The following MERTK variants were observed in gnomAD, a reference collection of about 807,000 sequenced individuals.
The protein encoded by MERTK is tyrosine-protein kinase Mer.
Under a neutral mutation model 99.3 loss-of-function variants are expected in MERTK, and 69 were observed. The observed-to-expected ratio is 0.70, with a 90% confidence interval of 0.57 to 0.85. The LOEUF is 0.85. Among genes scored for constraint, MERTK ranks in the 40% least tolerant of loss-of-function variants. The pLI, the probability that MERTK is intolerant of heterozygous loss-of-function variation, is 0.00. For missense variants in MERTK, 1,125 were observed against 1,249.4 expected (o/e 0.90, Z 1.50); for synonymous variants, 426 against 467.6 (o/e 0.91, Z 1.15).
intron 4 of MERTK, among the ~76,000 whole-genome samples, chr2:111,961,832 C>T (rs1685257334): frequency 6.6e-6 from 1 of 152,210 alleles, no homozygotes; most frequent in Non-Finnish European, 1.5e-5. Context: ...GTCTCTCAGT[C>T]ACAGCTCTCT....
At position 111,903,911 on chromosome 2, in the gene MERTK, A is replaced by G. The variant is rs540624205; in HGVS notation, c.61+5115A>G. 3.3e-5 allele frequency among the ~76,000 whole-genome samples: 5 copies of G among 152,288 alleles called. No homozygotes were observed. In the South Asian group the frequency reaches 8.3e-4, roughly 25 times the overall value. On this transcript the variant is annotated intron_variant, in intron 1 of 18. Coordinates refer to ENST00000295408, the MANE Select transcript of MERTK (RefSeq NM_006343.3). ...TTCTTCTGAACTCAAGTATGGGGGAAATGTTTTTCCTAGACAAAAGGTGTT... is the reference window on the plus strand; with the variant it reads ...TTCTTCTGAACTCAAGTATGGGGGAGATGTTTTTCCTAGACAAAAGGTGTT...
intron 8 of MERTK, among the ~76,000 whole-genome samples, chr2:111,989,448 C>CCAGGTTCACGCCATTCTCCTGCCT (rs1676564100): frequency 1.3e-5 from 2 of 151,234 alleles, no homozygotes; most frequent in African/African-American, 4.9e-5. Flanking sequence ...GTTCCGCCTT[C>CCAGGTTCACGCCATTCTCCTGCCT]CAGGTTCACG....
intron 1 of MERTK, among the ~76,000 whole-genome samples, chr2:111,909,828 C>T (rs906039655): frequency 3.9e-5 from 6 of 152,050 alleles, no homozygotes; most frequent in Non-Finnish European, 8.8e-5. Context: ...GCAGCCCAAC[C>T]CTCAGTTCGG....
chr2:111,988,821 C>T (rs146154672), intron 8 of MERTK, among the ~76,000 whole-genome samples: 3,718 of 152,226 alleles, frequency 0.024, 60 homozygotes, highest in Non-Finnish European at 0.039. Context: ...TGGTGGCGGG[C>T]ACCTGTAGTC....
Position 112,028,875 on chromosome 2 carries a change from G to T in MERTK, c.*11G>T. 1 of 1,613,464 alleles carries T rather than the reference G, an allele frequency of 6.2e-7. No homozygotes were observed. The highest frequency in any genetic ancestry group is 1.1e-5 in the South Asian group (1 of 91,064). ...GAAGTCCTGATGTGAGGAGAGGTGC[G>T]GGGAGACATTCCAAAAATCAAGCCA... is the stretch of plus-strand genomic sequence containing the variant. On this transcript the variant is annotated 3_prime_UTR_variant, in exon 19 of 19. Transcript: ENST00000295408.
chr2:111,931,407 T>C (rs946367121), intron 2 of MERTK, among the ~76,000 whole-genome samples: 2 of 152,192 alleles, frequency 1.3e-5, no homozygotes, highest in African/African-American at 4.8e-5. Context: ...TAGACATAGC[T>C]TCTGAAGAGA....
Position 112,029,363 on chromosome 2 carries a change from A to T in MERTK, c.*499A>T. On this transcript the variant is annotated 3_prime_UTR_variant, in exon 19 of 19. Coordinates refer to ENST00000295408, the MANE Select transcript of MERTK (RefSeq NM_006343.3). ...ATGGCTTCCTAATAAAATATGAATA[A>T]GGAAGGATATGTTGAACTTACTTGA... is the stretch of plus-strand genomic sequence containing the variant. 1 of 939,066 alleles carries T rather than the reference A, an allele frequency of 1.1e-6. No homozygotes were observed. Among genetic ancestry groups the T allele is most frequent in the Non-Finnish European group, 1.3e-6 (1 of 787,092 alleles). The allele number at this position is 939,066 out of a possible 1,614,324, so 58.2% of individuals were successfully genotyped here.
At chr2:111,918,156 A>C (rs916219637) in intron 1 of MERTK, among the ~76,000 whole-genome samples, 1 of 152,082 alleles carries the variant, frequency 6.6e-6, no homozygotes, top group Non-Finnish European at 1.5e-5. Context: ...ATGCTTATTT[A>C]ATATCTAGTG....
chr2:111,937,299 A>AG, intron 2 of MERTK, among the ~76,000 whole-genome samples: 1 of 151,708 alleles, frequency 6.6e-6, no homozygotes, highest in Non-Finnish European at 1.5e-5. Context: ...TAAAAAAAAA[A>AG]AAATTAGGCA....
chr2:112,028,049 G>A (rs1677505150), intron 18 of MERTK, among the ~76,000 whole-genome samples: 1 of 152,178 alleles, frequency 6.6e-6, no homozygotes, highest in African/African-American at 2.4e-5. Context: ...TTGGCTCATG[G>A]GCCATAGTTT....
intron 1 of MERTK, among the ~76,000 whole-genome samples, chr2:111,902,952 T>A (rs1203695316): frequency 6.6e-6 from 1 of 152,214 alleles, no homozygotes; most frequent in Non-Finnish European, 1.5e-5. Flanking sequence ...CTAATTTTTG[T>A]ATTTTTAGTA....
chr2:111,987,287 G>A (rs904265834), intron 8 of MERTK, among the ~76,000 whole-genome samples: 2 of 152,008 alleles, frequency 1.3e-5, no homozygotes, highest in Admixed American at 6.6e-5. Flanking sequence ...TCCCGCAACA[G>A]TCATGTCACT....
chr2:111,987,047 G>A (rs1313906294), intron 8 of MERTK, among the ~76,000 whole-genome samples: 2 of 152,210 alleles, frequency 1.3e-5, no homozygotes, highest in African/African-American at 4.8e-5. Context: ...GCAAAGCTTA[G>A]ACAAAACCTT....
At chr2:111,925,292 A>ATATATATATATATATATATATATATTTT (rs372747015) in intron 1 of MERTK, among the ~76,000 whole-genome samples, 1 of 24,498 alleles carries the variant, frequency 4.1e-5, no homozygotes, top group African/African-American at 1.4e-4. Flanking sequence ...ATATATATAT[A>ATATATATATATATATATATATATATTTT]TTTTTTTTTT....
intron 8 of MERTK, among the ~76,000 whole-genome samples, chr2:111,983,293 A>G (rs1676409044): frequency 6.6e-6 from 1 of 152,134 alleles, no homozygotes; most frequent in South Asian, 2.1e-4. Context: ...CCCTCATGGA[A>G]TTTAGGCTCT....
At chr2:111,961,416 A>G (rs1166268810) in intron 4 of MERTK, among the ~76,000 whole-genome samples, 1 of 151,790 alleles carries the variant, frequency 6.6e-6, no homozygotes, top group Non-Finnish European at 1.5e-5. Flanking sequence ...CAGCCTCCCA[A>G]AGTGCTGGGA....
chr2:111,929,155 C>G lies in MERTK; in HGVS notation c.97C>G (p.Pro33Ala). 1 of 1,614,120 alleles carries G rather than the reference C, an allele frequency of 6.2e-7. No homozygotes were observed. Among genetic ancestry groups the G allele is most frequent in the South Asian group, 1.1e-5 (1 of 91,074 alleles). Reference sequence around the variant, plus strand: ...GGCAAGGGAAGAAGCCAAGCCTTACCCGCTATTCCCGGGACCTTTTCCAGG... The same window carrying G: ...GGCAAGGGAAGAAGCCAAGCCTTACGCGCTATTCCCGGGACCTTTTCCAGG... ...TEAREEAKPY[P>A]LFPGPFPGSL... The change falls in exon 2 of 19, where the codon CCG becomes GCG. Residue 33 changes from proline (P) to alanine (A), a missense_variant. Pro to Ala is a conservative substitution (Grantham distance 27). Transcript: ENST00000295408.
At chr2:111,999,228 T>C (rs1201804859) in intron 10 of MERTK, among the ~76,000 whole-genome samples, 1 of 152,236 alleles carries the variant, frequency 6.6e-6, no homozygotes, top group Non-Finnish European at 1.5e-5. Flanking sequence ...AAATTCATAA[T>C]ACTTTCCCAC....
chr2:111,944,381 T>C (rs1684919850), intron 2 of MERTK, among the ~76,000 whole-genome samples: 1 of 139,154 alleles, frequency 7.2e-6, no homozygotes, highest in Admixed American at 7.4e-5. Context: ...AAACCGAACC[T>C]ATAGGATCTG....
Sources: gnomAD v4.1 joint callset for allele counts (sites outside exome capture counted in the v4.1 genomes callset) on GRCh38, gnomAD v4.1.1 for gene constraint, MANE v1.5 for transcripts, NCBI Gene and HGNC (gene_info 2026-07-23, HGNC 2026-07-21) for gene names.